ASMTL: variants seen among roughly 807,000 people sequenced by gnomAD.
The protein encoded by ASMTL is acetylserotonin O-methyltransferase like.
ASMTL carries 57 observed loss-of-function variants against 60.3 expected under a neutral mutation model. That is an observed-to-expected ratio of 0.95 (90% CI 0.76 to 1.18). ASMTL has a LOEUF of 1.18. ASMTL is among the 50% of genes most tolerant of loss of function. The probability of loss-of-function intolerance (pLI) is 0.00; values close to 1 mark genes in which losing one functional copy is unlikely to be tolerated. For synonymous variants in ASMTL, 419 were observed against 373.0 expected (o/e 1.12, Z -1.42); for missense variants, 981 against 852.6 (o/e 1.15, Z -1.88).
At chrX:1,432,668 A>G (rs1412729586) in intron 5 of ASMTL, among the ~76,000 whole-genome samples, 3 of 151,812 alleles carry the variant, frequency 2.0e-5, no homozygotes, top group Middle Eastern at 3.2e-3. Context: ...TCTCTACTAA[A>G]AATACAAAAA....
chrX:1,432,011 C>T, intron 6 of ASMTL: 1 of 557,942 alleles, frequency 1.8e-6, no homozygotes, highest in Non-Finnish European at 3.2e-6. Context: ...CTGCCCAGCG[C>T]CTCCCCAGTC....
intron 1 of ASMTL, among the ~76,000 whole-genome samples, chrX:1,443,163 G>C (rs62604191): frequency 1.4e-5 from 2 of 142,250 alleles, no homozygotes; most frequent in African/African-American, 5.3e-5. Flanking sequence ...GACACACACC[G>C]CCATCGTGGA....
At chrX:1,423,246 A>G (rs1237303921) in intron 8 of ASMTL, among the ~76,000 whole-genome samples, 1 of 151,990 alleles carries the variant, frequency 6.6e-6, no homozygotes, top group Non-Finnish European at 1.5e-5. Context: ...CCTATTCATC[A>G]TTATTTTCAA....
Position 1,445,189 on chromosome X carries a change from C to T in ASMTL, c.94-2872G>A, listed in dbSNP as rs779504519. ...AGGACCAGCGGCACTAAGCTAGAAG[C>T]GATCTTGAGGGATGCCCAGTATCTT... On this transcript the variant is annotated intron_variant, in intron 1 of 12. Coordinates refer to ENST00000381317, the MANE Select transcript of ASMTL (RefSeq NM_004192.4). 6.6e-5 allele frequency among the ~76,000 whole-genome samples: 10 copies of T among 152,262 alleles called. No individual in the cohort carries two copies. In the South Asian group the frequency reaches 1.5e-3, roughly 22 times the overall value.
At chrX:1,417,430 A>G (rs1157161112) in intron 11 of ASMTL, among the ~76,000 whole-genome samples, 6 of 151,554 alleles carry the variant, frequency 4.0e-5, no homozygotes, top group Non-Finnish European at 8.8e-5. Flanking sequence ...TCATGCACAG[A>G]CACACACACA....
intron 12 of ASMTL, among the ~76,000 whole-genome samples, chrX:1,405,883 G>A (rs1390177912): frequency 6.6e-6 from 1 of 150,708 alleles, no homozygotes; most frequent in Non-Finnish European, 1.5e-5. Flanking sequence ...GCATGGATGA[G>A]ATGGATGGGT....
chrX:1,433,554 C>CG (rs1569533981), intron 5 of ASMTL, among the ~76,000 whole-genome samples: 2 of 149,518 alleles, frequency 1.3e-5, no homozygotes, highest in East Asian at 3.9e-4. Context: ...TGGTGGCGGG[C>CG]CCGTCGTCCC....
At chrX:1,435,610 T>G in intron 4 of ASMTL, 84 bp downstream of exon 4, 2 of 1,350,030 alleles carry the variant, frequency 1.5e-6, no homozygotes, top group Non-Finnish European at 2.1e-6. Flanking sequence ...AGATCCACCC[T>G]GCTCCCCAGG....
At chrX:1,415,066 G>C (rs1373904554) in intron 11 of ASMTL, among the ~76,000 whole-genome samples, 2 of 2,182 alleles carry the variant, frequency 9.2e-4, no homozygotes, top group African/African-American at 9.7e-4. Context: ...TCAGCCTCCT[G>C]AATAGGTGGG....
At position 1,416,628 on chromosome X, in the gene ASMTL, T is replaced by C. The variant is rs2090283877; in HGVS notation, c.1522+1345A>G. ...CCACACAGACGCACAGAAACACACATACCCTCACACATATGCAAGCACACA... is the reference window on the plus strand; with the variant it reads ...CCACACAGACGCACAGAAACACACACACCCTCACACATATGCAAGCACACA... On this transcript the variant is annotated intron_variant, in intron 11 of 12. Coordinates refer to ENST00000381317, the MANE Select transcript of ASMTL (RefSeq NM_004192.4). Among the ~76,000 whole-genome samples, 4 of 140,140 alleles carry C rather than the reference T, an allele frequency of 2.9e-5. No individual in the cohort carries two copies. In the Admixed American group the frequency reaches 2.9e-4, roughly 10 times the overall value. The allele number at this position is 140,140 out of a possible 152,430, so 91.9% of individuals were successfully genotyped here. A position where few individuals can be genotyped will look rare whatever the true frequency, so the allele number is the denominator to read the frequency against.
chrX:1,417,322 C>G (rs1466366571), intron 11 of ASMTL, among the ~76,000 whole-genome samples: 1 of 151,460 alleles, frequency 6.6e-6, no homozygotes, highest in Non-Finnish European at 1.5e-5. Flanking sequence ...CATACACAGA[C>G]ATGCACACAT....
At chrX:1,426,218 C>T (rs2090607707) in intron 7 of ASMTL, among the ~76,000 whole-genome samples, 1 of 152,114 alleles carries the variant, frequency 6.6e-6, no homozygotes, top group Non-Finnish European at 1.5e-5. Flanking sequence ...ACACGTTGAT[C>T]TTGGACCTCC....
chrX:1,435,247 T>A, intron 4 of ASMTL, 164 bp from the exon 5 acceptor site: 1 of 763,092 alleles, frequency 1.3e-6, no homozygotes, highest in Non-Finnish European at 2.2e-6. Flanking sequence ...GGGAAACCTT[T>A]ACGGAGAGGC....
intron 6 of ASMTL, chrX:1,432,036 G>T: frequency 1.7e-6 from 1 of 584,098 alleles, no homozygotes; most frequent in Non-Finnish European, 3.1e-6. Context: ...CCGCAGCCCA[G>T]CGTTGGCTCC....
intron 3 of ASMTL, among the ~76,000 whole-genome samples, chrX:1,436,888 C>A (rs1290248702): frequency 6.6e-6 from 1 of 152,236 alleles, no homozygotes; most frequent in Non-Finnish European, 1.5e-5. Flanking sequence ...CAAAGTCCTA[C>A]AACCCAGGTG....
At chrX:1,405,733 G>A (rs1448797115) in intron 12 of ASMTL, among the ~76,000 whole-genome samples, 5 of 151,542 alleles carry the variant, frequency 3.3e-5, no homozygotes, top group African/African-American at 9.7e-5. Flanking sequence ...GTATGGATGA[G>A]ATGGATGGAT....
rs1316797098 is a variant in ASMTL, at chrX:1,452,866, C to T, written c.-26G>A. 6.5e-7 allele frequency: 1 copy of T among 1,527,958 alleles called. No homozygotes were observed. Among genetic ancestry groups the T allele is most frequent in the Non-Finnish European group, 8.8e-7 (1 of 1,141,164 alleles). 94.7% of individuals were successfully genotyped at this position (1,527,958 alleles called of 1,614,324 possible). A position where few individuals can be genotyped will look rare whatever the true frequency, so the allele number is the denominator to read the frequency against. The stretch of plus-strand genomic sequence containing the variant: ...GGCGTCCACGCCGGGAGCCGGGCGT[C>T]CGCACTTCTGAGCCCGGAGCCCGCG... On this transcript the variant is annotated 5_prime_UTR_variant, in exon 1 of 13. Transcript: ENST00000381317.
chrX:1,435,668 G>C (rs370146854), intron 4 of ASMTL, 26 bp downstream of exon 4: 5 of 1,612,366 alleles, frequency 3.1e-6, no homozygotes, highest in Non-Finnish European at 4.2e-6. Context: ...AACCCGAGAG[G>C]GCTCAGAGGC....
Position 1,421,686 on chromosome X carries a change from A to G in ASMTL, c.1217T>C (p.Leu406Ser). The change falls in exon 9 of 13, where the codon TTG (leucine) becomes TCG (serine). Residue 406 changes from leucine to serine, a missense_variant. Transcript: ENST00000381317. ...REGTNQHHRA[L>S]GKKAEDLFQD... is the part of the protein sequence containing the mutation. ...GAACAGATCTTCCGCCTTCTTCCCC[A>G]ACGCCCTGTGGTGCTGGTTTGTTCC... is the stretch of plus-strand genomic sequence containing the variant. The G allele has an allele frequency of 6.2e-7, 1 of 1,613,874 alleles. No homozygotes were observed. Among genetic ancestry groups the G allele is most frequent in the Non-Finnish European group, 8.5e-7 (1 of 1,179,830 alleles).
Sources: gnomAD v4.1 joint callset for allele counts (sites outside exome capture counted in the v4.1 genomes callset) on GRCh38, gnomAD v4.1.1 for gene constraint, MANE v1.5 for transcripts, NCBI Gene and HGNC (gene_info 2026-07-23, HGNC 2026-07-21) for gene names.